APOL3: variants seen among roughly 807,000 people sequenced by gnomAD.
The protein encoded by APOL3 is TNF-inducible protein CG12-1.
A neutral mutation model predicts 11.6 loss-of-function variants in APOL3; 14 were observed. The ratio of observed to expected loss-of-function variants is 1.21; its 90% confidence interval spans 0.80 to 1.89. APOL3 has a LOEUF of 1.89. Among genes scored for constraint, APOL3 ranks in the 40% most tolerant of loss-of-function variants. The pLI is 0.00. For missense variants in APOL3, 483 were observed against 492.1 expected (o/e 0.98, Z 0.17); for synonymous variants, 192 against 190.6 (o/e 1.01, Z -0.06).
exon 3 of APOL3, chr22:36,141,888 G>C: frequency 6.2e-7 from 1 of 1,614,218 alleles, no homozygotes. Flanking sequence ...AATACCATTT[G>C]CAAGGGCACG....
chr22:36,146,353 C>T (rs1388341558), intron 1 of APOL3: 3 of 151,750 alleles, frequency 2.0e-5, no homozygotes, highest in South Asian at 2.1e-4. Context: ...TTCCAGTGAT[C>T]GCTTCCTTCT....
chr22:36,150,834 G>A (rs549936607), intron 1 of APOL3, among the ~76,000 whole-genome samples: 1 of 152,294 alleles, frequency 6.6e-6, no homozygotes, highest in East Asian at 1.9e-4. Flanking sequence ...GCAGTGAGCC[G>A]AGATTGGGTC....
chr22:36,160,596 GTGAATGACCCTTCTCTTATAGAGC>G, intron 1 of APOL3, 49 bp downstream of exon 1: 1 of 1,503,004 alleles, frequency 6.7e-7, no homozygotes, highest in Non-Finnish European at 9.2e-7. Flanking sequence ...TCTACAAAAG[GTGAATGACCCTTCTCTTATAGAGC>G]TGCTGTGAGG....
At chr22:36,161,161 C>T (rs560080981), upstream of APOL3, among the ~76,000 whole-genome samples, 2 of 152,232 alleles carry the variant, frequency 1.3e-5, no homozygotes, top group Non-Finnish European at 2.9e-5. Context: ...ACGCTTATTG[C>T]ATATTGATTG....
chr22:36,156,519 C>A (rs151299262), intron 1 of APOL3, among the ~76,000 whole-genome samples: 5 of 152,310 alleles, frequency 3.3e-5, no homozygotes, highest in Non-Finnish European at 5.9e-5. Context: ...CAGGTACACA[C>A]TGACGCCCTG....
At chr22:36,154,033 G>A (rs1233212014) in intron 1 of APOL3, among the ~76,000 whole-genome samples, 3 of 152,198 alleles carry the variant, frequency 2.0e-5, no homozygotes, top group Admixed American at 2.0e-4. Context: ...AAGAGGTTGT[G>A]GAGACCAAAG....
Position 36,141,388 on chromosome 22 carries a change from T to G in APOL3, c.1021A>C (p.Ser341Arg). 1 of 1,614,180 alleles carries G rather than the reference T, an allele frequency of 6.2e-7. No homozygotes were observed. Among genetic ancestry groups the G allele is most frequent in the Non-Finnish European group, 8.5e-7 (1 of 1,180,028 alleles). Residue 341 changes from serine (S) to arginine (R), a missense_variant, in exon 3 of 3, where the codon AGT (serine) becomes CGT (arginine). Ser to Arg is a moderately radical substitution (Grantham distance 110). Transcript: ENST00000349314. Reference sequence around the variant, plus strand: ...AGGAAGATGCCTGAAGTGGTCGCACTCAGGATCCGGGCTCCTCTGCTCACT... The same window carrying G: ...AGGAAGATGCCTGAAGTGGTCGCACGCAGGATCCGGGCTCCTCTGCTCACT...
intron 1 of APOL3, among the ~76,000 whole-genome samples, chr22:36,156,354 T>C (rs132648): frequency 0.89 from 135,736 of 152,216 alleles, 60,807 homozygotes; most frequent in East Asian, 0.99. Context: ...GCATTAGCCT[T>C]CGTGCATTAG....
chr22:36,156,806 A>T (rs1006785366), intron 1 of APOL3: 1 of 373,124 alleles, frequency 2.7e-6, no homozygotes, highest in African/African-American at 2.1e-5. Context: ...TCCGGCAGGG[A>T]CCCTGCGGTG....
rs57636268 is a variant in APOL3, at chr22:36,158,430, G to A, written c.223+2239C>T. On this transcript the variant is annotated intron_variant, in intron 1 of 2. Coordinates refer to ENST00000349314, the Ensembl canonical transcript of APOL3. ...GTGTGCAGGGACAGGGGCTTTAGAG[G>A]GTGCCATGCAGCGTTGTTTCTATCA... is the stretch of plus-strand genomic sequence containing the variant. Among the ~76,000 whole-genome samples, 760 of 152,230 alleles carry A rather than the reference G, an allele frequency of 5.0e-3. 10 individuals carry two copies. The highest frequency in any genetic ancestry group is 0.018 in the African/African-American group (728 of 41,530).
At chr22:36,165,118 C>T (rs2013825237), upstream of APOL3, 1 of 152,078 alleles carries the variant, frequency 6.6e-6, no homozygotes, top group African/African-American at 2.4e-5. Flanking sequence ...TATACACGCT[C>T]AATCTGGTAA....
intron 1 of APOL3, chr22:36,154,407 T>C (rs2012384557): frequency 1.5e-5 from 5 of 342,938 alleles, no homozygotes; most frequent in Middle Eastern, 9.7e-4. Context: ...TTGAGAAAAG[T>C]ATACAGAAAA....
Position 36,148,590 on chromosome 22 carries a change from GGTGC to G in APOL3, c.224-2995_224-2992del, listed in dbSNP as rs1350626569. Among the ~76,000 whole-genome samples the G allele has an allele frequency of 7.9e-5, 12 of 152,356 alleles. No homozygotes were observed. The South Asian group carries it at 2.5e-3, about 32-fold the overall frequency. Reference sequence around the variant, plus strand: ...CAGGGCCACTCAGAGCAGAGGGGCTGGTGCAGGGCAAGAGCTGGAGGGAGGGGAC... The same window carrying G: ...CAGGGCCACTCAGAGCAGAGGGGCTGAGGGCAAGAGCTGGAGGGAGGGGAC... On this transcript the variant is annotated intron_variant, in intron 1 of 2. Transcript: ENST00000349314.
upstream of APOL3, among the ~76,000 whole-genome samples, chr22:36,164,086 T>C (rs79257773): frequency 8.5e-5 from 13 of 152,362 alleles, no homozygotes; most frequent in East Asian, 2.5e-3. Flanking sequence ...TTAAACTAGA[T>C]TAACCCTTGC....
chr22:36,155,329 A>T (rs2012580908), intron 1 of APOL3, among the ~76,000 whole-genome samples: 1 of 152,084 alleles, frequency 6.6e-6, no homozygotes, highest in Non-Finnish European at 1.5e-5. Flanking sequence ...TATGTTAACA[A>T]CGCAGTGGTT....
At chr22:36,141,599 C>T in exon 3 of APOL3, 2 of 1,614,206 alleles carry the variant, frequency 1.2e-6, no homozygotes, top group Admixed American at 1.7e-5. Flanking sequence ...TGATGTCACG[C>T]ATAACTTCCT....
At chr22:36,151,709 T>G (rs1269158487) in intron 1 of APOL3, among the ~76,000 whole-genome samples, 1 of 152,186 alleles carries the variant, frequency 6.6e-6, no homozygotes, top group Non-Finnish European at 1.5e-5. Flanking sequence ...AACCCCATAC[T>G]TTGGGAGGGT....
upstream of APOL3, among the ~76,000 whole-genome samples, chr22:36,162,634 C>T (rs2013760888): frequency 6.6e-6 from 1 of 152,188 alleles, no homozygotes; most frequent in Admixed American, 6.5e-5. Flanking sequence ...CCCACTGTCC[C>T]TCTGAGAGTG....
chr22:36,160,899 C>A (rs758712381), exon 1 of APOL3: 1 of 1,611,986 alleles, frequency 6.2e-7, no homozygotes, highest in South Asian at 1.1e-5. Context: ...CATCCTTGGT[C>A]CAGCAGCACC....
Sources: gnomAD v4.1 joint callset for allele counts (sites outside exome capture counted in the v4.1 genomes callset) on GRCh38, gnomAD v4.1.1 for gene constraint, MANE v1.5 for transcripts, NCBI Gene and HGNC (gene_info 2026-07-23, HGNC 2026-07-21) for gene names.